The following C1orf21 variants were observed in gnomAD, a reference collection of about 807,000 sequenced individuals.
C1orf21 encodes uncharacterized protein C1orf21.
In C1orf21, 3 loss-of-function variants were observed where a neutral mutation model predicts 18.7. The ratio of observed to expected loss-of-function variants is 0.16; its 90% confidence interval spans 0.07 to 0.42. The LOEUF (loss-of-function observed/expected upper bound fraction) is 0.42, where lower values mean the gene tolerates loss of function less well. Ranked by LOEUF, C1orf21 falls within the 10% of genes least tolerant of loss-of-function variation. The pLI, the probability that C1orf21 is intolerant of heterozygous loss-of-function variation, is 0.99. For synonymous variants in C1orf21, 41 were observed against 46.4 expected (o/e 0.88, Z 0.47); for missense variants, 104 against 143.6 (o/e 0.72, Z 1.41).
intron 1 of C1orf21, among the ~76,000 whole-genome samples, chr1:184,473,633 C>T (rs1213831761): frequency 6.6e-6 from 1 of 152,124 alleles, no homozygotes; most frequent in Non-Finnish European, 1.5e-5. Flanking sequence ...AGAAATGAAA[C>T]CTTGACATTA....
chr1:184,566,622 G>A (rs774989893), intron 3 of C1orf21: 2 of 380,806 alleles, frequency 5.3e-6, no homozygotes, highest in Non-Finnish European at 1.0e-5. Flanking sequence ...AAAACCACCA[G>A]GTTGGTCACA....
intron 2 of C1orf21, among the ~76,000 whole-genome samples, chr1:184,488,702 C>A (rs1002846170): frequency 6.6e-6 from 1 of 152,194 alleles, no homozygotes; most frequent in Non-Finnish European, 1.5e-5. Flanking sequence ...CAGTGGCTCA[C>A]GCCTATAATC....
intron 1 of C1orf21, among the ~76,000 whole-genome samples, chr1:184,418,512 C>T (rs542172423): frequency 2.0e-5 from 3 of 152,292 alleles, no homozygotes; most frequent in South Asian, 4.1e-4. Flanking sequence ...CTGTGCCCGG[C>T]GAAGTTATAA....
intron 1 of C1orf21, among the ~76,000 whole-genome samples, chr1:184,407,925 C>T (rs1279827312): frequency 6.6e-6 from 1 of 152,182 alleles, no homozygotes; most frequent in African/African-American, 2.4e-5. Flanking sequence ...GGTCTGGTTT[C>T]TGCACAGCAT....
intron 3 of C1orf21, among the ~76,000 whole-genome samples, chr1:184,529,081 AT>A (rs1020919075): frequency 6.6e-6 from 1 of 151,940 alleles, no homozygotes; most frequent in African/African-American, 2.4e-5. Flanking sequence ...TGAGAATTTT[AT>A]TTTTTTTAAT....
rs375914723 is a variant in C1orf21 at position 184,400,528 on chromosome 1, A to G, written c.-125+13160A>G. 2.0e-5 allele frequency among the ~76,000 whole-genome samples: 3 copies of G among 152,200 alleles called. No homozygotes were observed. The East Asian group carries it at 5.8e-4, about 29-fold the overall frequency. On this transcript the variant is annotated intron_variant, in intron 1 of 5. Transcript: ENST00000235307. ...CTGCACCTTGCATTTTGTACTTAAC[A>G]GTATATTTCCGAGATCACTCTGTAC...
intron 2 of C1orf21, among the ~76,000 whole-genome samples, chr1:184,504,364 G>T (rs1388765041): frequency 2.0e-5 from 3 of 152,146 alleles, no homozygotes; most frequent in Non-Finnish European, 4.4e-5. Flanking sequence ...CCCTCTGGCT[G>T]TAACGGTGGC....
intron 3 of C1orf21, among the ~76,000 whole-genome samples, chr1:184,521,037 G>A (rs1473146129): frequency 6.6e-6 from 1 of 152,122 alleles, no homozygotes; most frequent in Non-Finnish European, 1.5e-5. Flanking sequence ...GGGATTACAG[G>A]CATACGCCAC....
rs754123284 is a variant in C1orf21 at position 184,507,662 on chromosome 1, G to T, written c.169G>T (p.Ala57Ser). Residue 57 changes from alanine to serine, a missense_variant, in exon 3 of 6, where the codon GCC becomes TCC. Physicochemically the swap from Ala to Ser is moderately conservative, Grantham distance 99. Transcript: ENST00000235307. ...NGAEEEQKIA[A>S]RNQENLEKSA... ...GGCAGAAGAAGAGCAGAAAATAGCAGCCAGGAACCAAGAAAACTTGGTAAG... is the reference window on the plus strand; with the variant it reads ...GGCAGAAGAAGAGCAGAAAATAGCATCCAGGAACCAAGAAAACTTGGTAAG... 6.3e-7 allele frequency: 1 copy of T among 1,594,626 alleles called. No individual in the cohort carries two copies. Among genetic ancestry groups the T allele is most frequent in the African/African-American group, 1.4e-5 (1 of 73,518 alleles).
At chr1:184,439,071 C>T (rs1295060430) in intron 1 of C1orf21, among the ~76,000 whole-genome samples, 3 of 151,908 alleles carry the variant, frequency 2.0e-5, no homozygotes, top group African/African-American at 7.3e-5. Context: ...ACTGGCCAGG[C>T]GTGGTGGTGC....
chr1:184,525,649 G>A (rs1658367190), intron 3 of C1orf21, among the ~76,000 whole-genome samples: 1 of 152,056 alleles, frequency 6.6e-6, no homozygotes, highest in East Asian at 1.9e-4. Flanking sequence ...TAGGGTTATG[G>A]GAGATTATTT....
intron 2 of C1orf21, among the ~76,000 whole-genome samples, chr1:184,485,388 C>T (rs1356240546): frequency 6.6e-6 from 1 of 152,126 alleles, no homozygotes; most frequent in Non-Finnish European, 1.5e-5. Flanking sequence ...ATTTCACCTG[C>T]TGCTTTTTAT....
intron 1 of C1orf21, among the ~76,000 whole-genome samples, chr1:184,404,252 A>C (rs1178312025): frequency 7.2e-5 from 11 of 152,156 alleles, no homozygotes; most frequent in Non-Finnish European, 1.5e-5. Context: ...CTTGTTAAGA[A>C]CTTCAGGTGC....
At chr1:184,597,523 A>C (rs751000520) in intron 4 of C1orf21, among the ~76,000 whole-genome samples, 2 of 152,086 alleles carry the variant, frequency 1.3e-5, no homozygotes, top group Non-Finnish European at 2.9e-5. Flanking sequence ...CCTCCTTCAG[A>C]CAGGACAACC....
At chr1:184,497,353 G>A (rs1657908175) in intron 2 of C1orf21, among the ~76,000 whole-genome samples, 1 of 152,230 alleles carries the variant, frequency 6.6e-6, no homozygotes, top group Non-Finnish European at 1.5e-5. Flanking sequence ...GGGAAAATAA[G>A]TTGGTGATTC....
chr1:184,465,571 G>T (rs1028468546), intron 1 of C1orf21, among the ~76,000 whole-genome samples: 1 of 152,066 alleles, frequency 6.6e-6, no homozygotes, highest in African/African-American at 2.4e-5. Context: ...CTGTTCCTGG[G>T]GTGGTAATGG....
intron 5 of C1orf21, among the ~76,000 whole-genome samples, chr1:184,600,946 A>G (rs866747128): frequency 1.8e-4 from 28 of 152,372 alleles, no homozygotes; most frequent in Middle Eastern, 6.8e-3. Flanking sequence ...GTAGTCTGCC[A>G]TCGTTTATAT....
At chr1:184,415,319 C>A (rs1210769217) in intron 1 of C1orf21, among the ~76,000 whole-genome samples, 1 of 152,226 alleles carries the variant, frequency 6.6e-6, no homozygotes, top group Non-Finnish European at 1.5e-5. Context: ...CTTCTTTTGA[C>A]TCCTTACTCG....
intron 2 of C1orf21, among the ~76,000 whole-genome samples, chr1:184,487,191 C>T (rs1657745130): frequency 6.6e-6 from 1 of 152,232 alleles, no homozygotes; most frequent in Non-Finnish European, 1.5e-5. Flanking sequence ...GGACTCCTGG[C>T]TGGTGTGACT....
Sources: allele counts gnomAD v4.1 joint callset (sites outside exome capture counted in the v4.1 genomes callset), GRCh38; gene constraint gnomAD v4.1.1; transcripts MANE v1.5; gene names NCBI Gene and HGNC (gene_info 2026-07-23, HGNC 2026-07-21).